The following MKX variants were observed in gnomAD, a reference collection of about 807,000 sequenced individuals.
MKX encodes the protein mohawk homeobox.
Under a neutral mutation model 36.0 loss-of-function variants are expected in MKX, and 13 were observed. The observed-to-expected ratio is 0.36, with a 90% confidence interval of 0.24 to 0.57. MKX has a LOEUF of 0.57. Ranked by LOEUF, MKX falls within the 20% of genes least tolerant of loss-of-function variation. MKX has a pLI of 0.79. For synonymous variants in MKX, 176 were observed against 178.3 expected (o/e 0.99, Z 0.10); for missense variants, 458 against 456.4 (o/e 1.00, Z -0.03).
Position 27,742,821 on chromosome 10 carries a change from G to T in MKX, c.188+407C>A, listed in dbSNP as rs984410061. Among the ~76,000 whole-genome samples, 4 of 152,092 alleles carry T rather than the reference G, an allele frequency of 2.6e-5. No homozygotes were observed. Among genetic ancestry groups the T allele is most frequent in the African/African-American group, 9.7e-5 (4 of 41,444 alleles). On this transcript the variant is annotated intron_variant, in intron 2 of 6. Transcript: ENST00000419761. The surrounding 1 kb of genome is among the most constrained non-coding windows in gnomAD (Gnocchi z 4.2). Reference sequence around the variant, plus strand: ...TCGAGTGACCGAAGAGAAGTCCGCGGAGCCTGAGCCTGGACTCCCCGACTG... The same window carrying T: ...TCGAGTGACCGAAGAGAAGTCCGCGTAGCCTGAGCCTGGACTCCCCGACTG...
At chr10:27,729,043 T>A (rs1454211450) in intron 5 of MKX, among the ~76,000 whole-genome samples, 2 of 152,196 alleles carry the variant, frequency 1.3e-5, no homozygotes, top group Non-Finnish European at 2.9e-5. Context: ...AATCTTCATT[T>A]CTTCCCAGGG....
chr10:27,686,150 A>G (rs1289631278), intron 5 of MKX, among the ~76,000 whole-genome samples: 1 of 152,148 alleles, frequency 6.6e-6, no homozygotes, highest in Non-Finnish European at 1.5e-5. Flanking sequence ...GTGGATCTGG[A>G]GATAGGAGAG....
Position 27,744,265 on chromosome 10 carries a change from C to T in MKX, c.-82-768G>A, listed in dbSNP as rs538673348. ...GCGCCAGGACCCAGGTCCCCAGAGC[C>T]CTCAATCAGTGCCATTCTCTTCCGC... On this transcript the variant is annotated intron_variant, in intron 1 of 6. Coordinates refer to ENST00000419761, the MANE Select transcript of MKX (RefSeq NM_173576.3). This position sits in a 1 kb window ranked among gnomAD's most constrained non-coding sequence, Gnocchi z 5.6. 1.0e-3 allele frequency among the ~76,000 whole-genome samples: 156 copies of T among 152,270 alleles called. No individual in the cohort carries two copies. Among genetic ancestry groups the T allele is most frequent in the Non-Finnish European group, 1.7e-3 (116 of 68,018 alleles).
At chr10:27,716,066 C>T (rs1836958559) in intron 5 of MKX, among the ~76,000 whole-genome samples, 1 of 152,132 alleles carries the variant, frequency 6.6e-6, no homozygotes, top group African/African-American at 2.4e-5. Flanking sequence ...TGCAACATCT[C>T]AGCTTATATG....
intron 5 of MKX, among the ~76,000 whole-genome samples, chr10:27,706,921 T>G (rs914363076): frequency 6.6e-6 from 1 of 152,244 alleles, no homozygotes; most frequent in African/African-American, 2.4e-5. Flanking sequence ...CCGTGCTGTA[T>G]GCACCCTGTA....
At chr10:27,739,235 A>G (rs1305726036) in intron 3 of MKX, among the ~76,000 whole-genome samples, 1 of 152,136 alleles carries the variant, frequency 6.6e-6, no homozygotes, top group Non-Finnish European at 1.5e-5. Context: ...GTATTTCTAT[A>G]GCATTTGAAC....
chr10:27,675,153 C>T lies in MKX; in HGVS notation c.*76G>A. ...GTTTGGGAGAGAGTCATTTTCATCCCTGCTTCGGCTCTTAGGATGAGGGTT... is the reference window on the plus strand; with the variant it reads ...GTTTGGGAGAGAGTCATTTTCATCCTTGCTTCGGCTCTTAGGATGAGGGTT... On this transcript the variant is annotated 3_prime_UTR_variant, in exon 7 of 7. Transcript: ENST00000419761. 1 of 1,406,490 alleles carries T rather than the reference C, an allele frequency of 7.1e-7. No homozygotes were observed. Among genetic ancestry groups the T allele is most frequent in the Non-Finnish European group, 9.7e-7 (1 of 1,031,446 alleles). The allele number at this position is 1,406,490 out of a possible 1,614,324, so 87.1% of individuals were successfully genotyped here. A position where few individuals can be genotyped will look rare whatever the true frequency, so the allele number is the denominator to read the frequency against.
At chr10:27,722,135 G>T (rs889965662) in intron 5 of MKX, among the ~76,000 whole-genome samples, 1 of 152,146 alleles carries the variant, frequency 6.6e-6, no homozygotes, top group African/African-American at 2.4e-5. Flanking sequence ...TCTTGGGAGA[G>T]ATCTCCTAAA....
At chr10:27,712,453 C>T (rs1047669197) in intron 5 of MKX, among the ~76,000 whole-genome samples, 1 of 152,072 alleles carries the variant, frequency 6.6e-6, no homozygotes, top group African/African-American at 2.4e-5. Context: ...ACCTGGGTTA[C>T]ACTACAGGTA....
At chr10:27,706,536 C>T (rs569348456) in intron 5 of MKX, among the ~76,000 whole-genome samples, 10 of 139,570 alleles carry the variant, frequency 7.2e-5, no homozygotes, top group Admixed American at 7.7e-5. Context: ...TGCCAACCCT[C>T]GTTAATTCCT....
intron 5 of MKX, among the ~76,000 whole-genome samples, chr10:27,694,970 T>C (rs1418629711): frequency 6.6e-6 from 1 of 151,880 alleles, no homozygotes; most frequent in Non-Finnish European, 1.5e-5. Flanking sequence ...GTGGTAGTTC[T>C]AGTTACTTTT....
At chr10:27,681,215 G>A (rs1418515570) in intron 5 of MKX, among the ~76,000 whole-genome samples, 2 of 152,162 alleles carry the variant, frequency 1.3e-5, no homozygotes, top group Admixed American at 1.3e-4. Flanking sequence ...GGGAGGCTGA[G>A]GCGGGTGAAT....
At chr10:27,685,390 T>C (rs969213681) in intron 5 of MKX, among the ~76,000 whole-genome samples, 8 of 151,954 alleles carry the variant, frequency 5.3e-5, no homozygotes, top group Non-Finnish European at 8.8e-5. Flanking sequence ...GATTGTAGAA[T>C]AGGGAATTCA....
rs528660133 is a variant in MKX at position 27,734,406 on chromosome 10, T to G, written c.838+50A>C. The G allele has an allele frequency of 1.2e-5, 18 of 1,485,388 alleles. No individual in the cohort carries two copies. The African/African-American group carries it at 1.8e-4, about 15-fold the overall frequency. The allele number at this position is 1,485,388 out of a possible 1,614,324, so 92.0% of individuals were successfully genotyped here. On this transcript the variant is annotated intron_variant, in intron 5 of 6. Coordinates refer to ENST00000419761, the MANE Select transcript of MKX (RefSeq NM_173576.3). ...TAAATCCCTCTGATGCAGTTTTAAT[T>G]GTGCTTTAAACAGGTATCGCAGGAA... is the stretch of plus-strand genomic sequence containing the variant.
chr10:27,714,868 C>T (rs1836935961), intron 5 of MKX, among the ~76,000 whole-genome samples: 1 of 152,166 alleles, frequency 6.6e-6, no homozygotes, highest in Non-Finnish European at 1.5e-5. Flanking sequence ...AATCAAGGTG[C>T]AACTTTATTT....
chr10:27,694,527 A>AAAAAAT (rs547670335), intron 5 of MKX, among the ~76,000 whole-genome samples: 66 of 114,334 alleles, frequency 5.8e-4, no homozygotes, highest in African/African-American at 1.5e-3. Flanking sequence ...AAAAAAAAAA[A>AAAAAAT]ATATATATAT....
intron 5 of MKX, among the ~76,000 whole-genome samples, chr10:27,696,837 T>G (rs920873685): frequency 1.3e-5 from 2 of 152,200 alleles, no homozygotes; most frequent in African/African-American, 4.8e-5. Context: ...GTTTTAAATG[T>G]AAAGGTTCTT....
chr10:27,734,855 T>C, intron 4 of MKX, 64 bp from the exon 5 acceptor site: 1 of 998,170 alleles, frequency 1.0e-6, no homozygotes, highest in Non-Finnish European at 1.4e-6. Context: ...ACCCAACTCT[T>C]ATATTTAATC....
At chr10:27,720,234 C>T (rs968357258) in intron 5 of MKX, among the ~76,000 whole-genome samples, 1 of 151,528 alleles carries the variant, frequency 6.6e-6, no homozygotes, top group Non-Finnish European at 1.5e-5. Flanking sequence ...TTAAAATTTC[C>T]TAGCATAGAA....
Sources: allele counts gnomAD v4.1 joint callset (sites outside exome capture counted in the v4.1 genomes callset), GRCh38; gene constraint gnomAD v4.1.1; non-coding constraint Gnocchi (gnomAD v3.1); transcripts MANE v1.5; gene names NCBI Gene and HGNC (gene_info 2026-07-23, HGNC 2026-07-21).